Variants in ACTA2 observed in about 807,000 individuals in gnomAD.
ACTA2 encodes the protein actin alpha 2, smooth muscle.
Under a neutral mutation model 39.5 loss-of-function variants are expected in ACTA2, and 12 were observed. That is an observed-to-expected ratio of 0.30 (90% CI 0.19 to 0.49). ACTA2 has a LOEUF of 0.49. Among genes scored for constraint, ACTA2 ranks in the 20% least tolerant of loss-of-function variants. The pLI is 0.99. For missense variants in ACTA2, 236 were observed against 498.8 expected (o/e 0.47, Z 5.02); for synonymous variants, 158 against 180.6 (o/e 0.88, Z 1.00).
chr10:88,947,187 G>A (rs1360682604), intron 3 of ACTA2, 71 bp downstream of exon 3: 1 of 1,581,544 alleles, frequency 6.3e-7, no homozygotes, highest in Non-Finnish European at 8.7e-7. Context: ...CAGCAGTAGT[G>A]TGGTGTTCTG....
At position 88,939,541 on chromosome 10, in the gene ACTA2, G is replaced by T; in HGVS notation, c.774C>A (p.Arg258=). 6.2e-7 allele frequency: 1 copy of T among 1,613,924 alleles called. No homozygotes were observed. The highest frequency in any genetic ancestry group is 8.5e-7 in the Non-Finnish European group (1 of 1,179,986). ...QVITIGNERF[R]CPETLFQPSF... Reference sequence around the variant, plus strand: ...ATGGCTGGAACAGGGTCTCTGGGCAGCGGAAACGTTCATTTCCGATGGTGA... The same window carrying T: ...ATGGCTGGAACAGGGTCTCTGGGCATCGGAAACGTTCATTTCCGATGGTGA... Residue 258 remains arginine (R), a synonymous_variant, in exon 7 of 9, where the codon CGC becomes CGA. Coordinates refer to ENST00000224784, the MANE Select transcript of ACTA2 (RefSeq NM_001613.4).
At chr10:88,953,755 AAGTG>A (rs1186555625), upstream of ACTA2, among the ~76,000 whole-genome samples, 2 of 152,118 alleles carry the variant, frequency 1.3e-5, no homozygotes, top group African/African-American at 4.8e-5. Flanking sequence ...GTTCTCATGA[AAGTG>A]AGTGAGTTCT....
Position 88,990,763 on chromosome 10 carries a change from C to G in ACTA2, c.-24+176G>C, listed in dbSNP as rs1847123715. 7.2e-7 allele frequency: 1 copy of G among 1,390,502 alleles called. No homozygotes were observed. Among genetic ancestry groups the G allele is most frequent in the African/African-American group, 1.4e-5 (1 of 70,266 alleles). The allele number at this position is 1,390,502 out of a possible 1,614,324, so 86.1% of individuals were successfully genotyped here. A position where few individuals can be genotyped will look rare whatever the true frequency, so the allele number is the denominator to read the frequency against. ...GGGCGGGCACTGGCACGGAACACACCCTGAGGCCAGCCCTGGCTGCCCAGG... is the reference window on the plus strand; with the variant it reads ...GGGCGGGCACTGGCACGGAACACACGCTGAGGCCAGCCCTGGCTGCCCAGG... On this transcript the variant is annotated intron_variant, in intron 1 of 4. Transcript: ENST00000415557. This position sits in a 1 kb window ranked among gnomAD's most constrained non-coding sequence, Gnocchi z 4.9.
intron 1 of ACTA2, among the ~76,000 whole-genome samples, chr10:88,969,422 TGAAAAA>T (rs1369811952): frequency 6.6e-6 from 1 of 152,228 alleles, no homozygotes; most frequent in Non-Finnish European, 1.5e-5. Context: ...TGTCTCTATT[TGAAAAA>T]GCCTACAAAT....
chr10:88,965,823 G>C (rs1024497622), intron 1 of ACTA2, among the ~76,000 whole-genome samples: 1 of 152,138 alleles, frequency 6.6e-6, no homozygotes, highest in African/African-American at 2.4e-5. Flanking sequence ...GGGCTGATTT[G>C]CTTTTAACTA....
intron 1 of ACTA2, among the ~76,000 whole-genome samples, chr10:88,971,593 T>G (rs751791099): frequency 6.6e-6 from 1 of 152,228 alleles, no homozygotes; most frequent in Non-Finnish European, 1.5e-5. Context: ...TTTGCCTTTT[T>G]TTCTTATAAT....
intron 1 of ACTA2, among the ~76,000 whole-genome samples, chr10:88,989,940 T>C (rs1847065878): frequency 6.6e-6 from 1 of 152,208 alleles, no homozygotes; most frequent in African/African-American, 2.4e-5. Flanking sequence ...CTATCTACCG[T>C]TCCAAAGCAA....
rs150126140 is a variant in ACTA2 at position 88,938,564 on chromosome 10, C to T, written c.809-322G>A. The T allele has an allele frequency of 2.0e-5, 7 of 343,954 alleles. No individual in the cohort carries two copies. In the East Asian group the frequency reaches 2.1e-4, roughly 10 times the overall value. 21.3% of individuals were successfully genotyped at this position (343,954 alleles called of 1,614,324 possible). On this transcript the variant is annotated intron_variant, in intron 7 of 8. Coordinates refer to ENST00000224784, the MANE Select transcript of ACTA2 (RefSeq NM_001613.4). ...CTTCCAATTCCCTGCAAAGCTTCCA[C>T]GCTGAGCCAATGTTGCAACAACTCT... is the stretch of plus-strand genomic sequence containing the variant.
chr10:88,938,707 T>C (rs575999868), intron 7 of ACTA2, among the ~76,000 whole-genome samples: 108 of 150,132 alleles, frequency 7.2e-4, no homozygotes, highest in African/African-American at 2.5e-3. Context: ...TGGAAAAGGC[T>C]CATTTTTCCA....
chr10:88,973,153 A>G, intron 1 of ACTA2: 1 of 1,586,498 alleles, frequency 6.3e-7, no homozygotes, highest in Non-Finnish European at 8.6e-7. Context: ...CAATCCTCTC[A>G]CCTTCCCTTT....
At chr10:88,957,467 C>T (rs536662059), upstream of ACTA2, among the ~76,000 whole-genome samples, 1 of 152,226 alleles carries the variant, frequency 6.6e-6, no homozygotes, top group South Asian at 2.1e-4. Context: ...AAGGAAAATA[C>T]CTATTACTCC....
intron 1 of ACTA2, 93 bp from the exon 2 acceptor site, chr10:88,949,046 C>T (rs1362669813): frequency 2.4e-6 from 3 of 1,266,764 alleles, no homozygotes; most frequent in Non-Finnish European, 3.4e-6. Context: ...GGTTTGGGGG[C>T]CCTCCTCTGT....
intron 4 of ACTA2, 148 bp downstream of exon 4, chr10:88,943,649 G>A: frequency 1.4e-6 from 1 of 729,042 alleles, no homozygotes; most frequent in Non-Finnish European, 2.5e-6. Context: ...AGCTGTTCCT[G>A]TCCTTTGGGA....
At position 88,990,183 on chromosome 10, in the gene ACTA2, A is replaced by T. The variant is rs1311816800; in HGVS notation, c.-24+756T>A. 3.3e-5 allele frequency among the ~76,000 whole-genome samples: 5 copies of T among 152,192 alleles called. No homozygotes were observed. Among genetic ancestry groups the T allele is most frequent in the Admixed American group, 3.3e-4 (5 of 15,288 alleles). ...TATGGCGCAACATCTGTACTTTTTC[A>T]TATGGTTAACTGTCCATTCCAGAAA... On this transcript the variant is annotated intron_variant, in intron 1 of 4. Coordinates refer to the ACTA2 transcript ENST00000415557. This position sits in a 1 kb window ranked among gnomAD's most constrained non-coding sequence, Gnocchi z 4.9.
chr10:88,948,964 CAG>C lies in ACTA2; in HGVS notation c.-23-13_-23-12del, dbSNP rs755552050. 6 of 1,613,014 alleles carry C rather than the reference CAG, an allele frequency of 3.7e-6. No individual in the cohort carries two copies. The highest frequency in any genetic ancestry group is 3.4e-4 in the Middle Eastern group (2 of 5,932). On this transcript the variant is annotated splice_polypyrimidine_tract_variant and intron_variant, in intron 1 of 8. Coordinates refer to ENST00000224784, the MANE Select transcript of ACTA2 (RefSeq NM_001613.4). ...CTGCTTCACAGGATTCTATAGAAAA[CAG>C]GGAGGAAGCAGCCTCAGCTGTAATT... is the stretch of plus-strand genomic sequence containing the variant.
Position 88,990,534 on chromosome 10 carries a change from AC to A in ACTA2, c.-24+404del, listed in dbSNP as rs1283463135. 1.6e-6 allele frequency: 1 copy of A among 613,438 alleles called. No homozygotes were observed. 38.0% of individuals were successfully genotyped at this position (613,438 alleles called of 1,614,324 possible). A position where few individuals can be genotyped will look rare whatever the true frequency, so the allele number is the denominator to read the frequency against. ...CTCACCCTGACTTCTCCCCCTCCCT[AC>A]CCGCGCGCAGGCCAAGTTGCTGAAT... On this transcript the variant is annotated intron_variant, in intron 1 of 4. Coordinates refer to the ACTA2 transcript ENST00000415557. This position sits in a 1 kb window ranked among gnomAD's most constrained non-coding sequence, Gnocchi z 4.9.
At chr10:88,985,464 C>T (rs1846849768) in intron 1 of ACTA2, among the ~76,000 whole-genome samples, 1 of 152,240 alleles carries the variant, frequency 6.6e-6, no homozygotes, top group African/African-American at 2.4e-5. Context: ...CCACCTATGT[C>T]TCCTTTCTAC....
At chr10:88,970,936 C>T (rs999820574) in intron 1 of ACTA2, among the ~76,000 whole-genome samples, 1 of 151,656 alleles carries the variant, frequency 6.6e-6, no homozygotes, top group Non-Finnish European at 1.5e-5. Context: ...ATTTATACAT[C>T]CAAAAACTGA....
Position 88,990,462 on chromosome 10 carries a change from G to T in ACTA2, c.-24+477C>A. 1.9e-6 allele frequency: 1 copy of T among 515,626 alleles called. No homozygotes were observed. Among genetic ancestry groups the T allele is most frequent in the Non-Finnish European group, 3.7e-6 (1 of 268,584 alleles). The allele number at this position is 515,626 out of a possible 1,614,324, so 31.9% of individuals were successfully genotyped here. On this transcript the variant is annotated intron_variant, in intron 1 of 4. Coordinates refer to the ACTA2 transcript ENST00000415557. The surrounding 1 kb of genome is among the most constrained non-coding windows in gnomAD (Gnocchi z 4.9). The stretch of plus-strand genomic sequence containing the variant: ...TGAGCATGCCAGCCACTGCAGGAAC[G>T]CCCCGGGACAGGAATGCCCATTTGT...
Sources: gnomAD v4.1 joint callset for allele counts (sites outside exome capture counted in the v4.1 genomes callset) on GRCh38, gnomAD v4.1.1 for gene constraint, Gnocchi (gnomAD v3.1) non-coding constraint, MANE v1.5 for transcripts, NCBI Gene and HGNC (gene_info 2026-07-23, HGNC 2026-07-21) for gene names.